Variants in F10 observed in about 807,000 individuals in gnomAD.
F10 encodes coagulation factor X.
A neutral mutation model predicts 37.1 loss-of-function variants in F10; 29 were observed. The observed-to-expected ratio is 0.78, with a 90% confidence interval of 0.58 to 1.07. The LOEUF is 1.07. F10 is among the 50% of genes least tolerant of loss of function. The pLI is 0.00. For synonymous variants in F10, 262 were observed against 268.6 expected (o/e 0.98, Z 0.24); for missense variants, 539 against 667.9 (o/e 0.81, Z 2.13).
rs3211736 is a variant in F10, at chr13:113,129,676, C to T, written c.231+64C>T. On this transcript the variant is annotated intron_variant, in intron 2 of 7. Coordinates refer to ENST00000375559, the MANE Select transcript of F10 (RefSeq NM_000504.4). ...CAGGCCACAGCGCCCTCGCTGGCCC[C>T]GCTGCTCCGTCCATCCAGGGGGGCG... The T allele has an allele frequency of 0.33, 525,678 of 1,603,520 alleles. 88,295 individuals carry two copies. The highest frequency in any genetic ancestry group is 0.37 in the East Asian group (16,503 of 44,730).
Position 113,149,373 on chromosome 13 carries a change from G to A in F10, c.1323G>A (p.Glu441=), listed in dbSNP as rs1362783085. The change falls in exon 8 of 8, where the codon GAG becomes GAA. Residue 441 remains glutamate, a synonymous_variant. Transcript: ENST00000375559. This position sits in a 1 kb window ranked among gnomAD's most constrained non-coding sequence, Gnocchi z 7.5. The part of the protein sequence containing the change: ...YFVTGIVSWG[E]GCARKGKYGI... ...TGACAGGCATCGTCAGCTGGGGAGA[G>A]GGCTGTGCCCGTAAGGGGAAGTACG... The A allele has an allele frequency of 1.2e-6, 2 of 1,610,832 alleles. No homozygotes were observed. The highest frequency in any genetic ancestry group is 4.5e-5 in the East Asian group (2 of 44,784).
At chr13:113,123,167 CAG>C (rs2036336255) in intron 1 of F10, among the ~76,000 whole-genome samples, 1 of 151,944 alleles carries the variant, frequency 6.6e-6, no homozygotes, top group South Asian at 2.1e-4. Flanking sequence ...AACACAAGGA[CAG>C]AGTCAGAGAG....
rs2036586246 is a variant in F10 at position 113,146,779 on chromosome 13, G to T, written c.748-600G>T. ...CCCAGAGAAAAGAAAACCAAAATAT[G>T]CCCGGGCTCCAAACTTGCAAGTCCA... On this transcript the variant is annotated intron_variant, in intron 6 of 7. Transcript: ENST00000375559. The surrounding 1 kb of genome is among the most constrained non-coding windows in gnomAD (Gnocchi z 4.5). Among the ~76,000 whole-genome samples the T allele has an allele frequency of 6.6e-6, 1 of 152,114 alleles. No homozygotes were observed.
chr13:113,128,312 A>C (rs946164138), intron 1 of F10: 7 of 152,250 alleles, frequency 4.6e-5, no homozygotes, highest in Non-Finnish European at 8.8e-5. Flanking sequence ...ATCAATAAGC[A>C]TAAGTTGTAC....
intron 4 of F10, among the ~76,000 whole-genome samples, chr13:113,140,329 C>T (rs1161858973): frequency 6.6e-6 from 1 of 152,098 alleles, no homozygotes; most frequent in African/African-American, 2.4e-5. Context: ...GATCCGCCCG[C>T]TTCGACCTCC....
chr13:113,145,526 T>C (rs571608030), intron 6 of F10, among the ~76,000 whole-genome samples: 1 of 152,280 alleles, frequency 6.6e-6, no homozygotes, highest in South Asian at 2.1e-4. Context: ...AGCATACATA[T>C]GCGAAAAATT....
rs889819912 is a variant in F10, at chr13:113,146,119, G to C, written c.748-1260G>C. On this transcript the variant is annotated intron_variant, in intron 6 of 7. Coordinates refer to ENST00000375559, the MANE Select transcript of F10 (RefSeq NM_000504.4). This position sits in a 1 kb window ranked among gnomAD's most constrained non-coding sequence, Gnocchi z 4.5. ...TCTGTCTAACTATAAAGAGCCAAGC[G>C]AGAGAGGGATGCACTGAGGTGGCTC... Among the ~76,000 whole-genome samples, 1 of 152,216 alleles carries C rather than the reference G, an allele frequency of 6.6e-6. No homozygotes were observed. The highest frequency in any genetic ancestry group is 1.5e-5 in the Non-Finnish European group (1 of 68,038).
chr13:113,149,313 C>T lies in F10; in HGVS notation c.1263C>T (p.Gly421=), dbSNP rs548078463. 8 of 1,613,242 alleles carry T rather than the reference C, an allele frequency of 5.0e-6. No individual in the cohort carries two copies. In the African/African-American group the frequency reaches 6.7e-5, roughly 13 times the overall value. The change falls in exon 8 of 8, where the codon GGC becomes GGT. Residue 421 remains glycine (G), a synonymous_variant. Coordinates refer to ENST00000375559, the MANE Select transcript of F10 (RefSeq NM_000504.4). This position sits in a 1 kb window ranked among gnomAD's most constrained non-coding sequence, Gnocchi z 7.5. ...QEDACQGDSG[G]PHVTRFKDTY... ...ATGCCTGCCAGGGGGACAGCGGGGGCCCGCACGTCACCCGCTTCAAGGACA... is the reference window on the plus strand; with the variant it reads ...ATGCCTGCCAGGGGGACAGCGGGGGTCCGCACGTCACCCGCTTCAAGGACA...
Position 113,147,391 on chromosome 13 carries a change from A to C in F10, c.760A>C (p.Asn254His). Residue 254 changes from asparagine to histidine, a missense_variant, in exon 7 of 8, where the codon AAT becomes CAT. By Grantham distance (68) the Asn-to-His change is moderately conservative. Transcript: ENST00000375559. ...GECPWQALLI[N>H]EENEGFCGGT... The stretch of plus-strand genomic sequence containing the variant: ...ACGTCTGTCACAGGCCCTGCTCATC[A>C]ATGAGGAAAACGAGGGTTTCTGTGG... 6.2e-7 allele frequency: 1 copy of C among 1,612,448 alleles called. No individual in the cohort carries two copies. Among genetic ancestry groups the C allele is most frequent in the Non-Finnish European group, 8.5e-7 (1 of 1,178,490 alleles).
intron 7 of F10, among the ~76,000 whole-genome samples, chr13:113,147,882 CTATTTT>C (rs1185356449): frequency 1.3e-5 from 2 of 152,164 alleles, no homozygotes; most frequent in Non-Finnish European, 2.9e-5. Flanking sequence ...TCTGTCTCTT[CTATTTT>C]TATTTGTGGG....
chr13:113,137,702 C>T (rs1034379648), intron 2 of F10, among the ~76,000 whole-genome samples: 1 of 152,142 alleles, frequency 6.6e-6, no homozygotes, highest in African/African-American at 2.4e-5. Context: ...GAGCACCCGG[C>T]AATCATGGGC....
intron 3 of F10, among the ~76,000 whole-genome samples, chr13:113,138,957 G>A (rs2036503061): frequency 6.6e-6 from 1 of 152,232 alleles, no homozygotes; most frequent in Non-Finnish European, 1.5e-5. Context: ...GAAGCCCCGT[G>A]TTAGTGTTTG....
Position 113,144,031 on chromosome 13 carries a change from G to A in F10, c.683G>A (p.Gly228Asp). The change falls in exon 6 of 8, where the codon GGC becomes GAC. Residue 228 changes from glycine to aspartate, a missense_variant. Transcript: ENST00000375559. The surrounding 1 kb of genome is among the most constrained non-coding windows in gnomAD (Gnocchi z 6.4). ...TTCAACCAGACGCAGCCTGAGAGGG[G>A]CGACAACAACCTCACCAGGATCGTG... ...LDFNQTQPER[G>D]DNNLTRIVGG... 3 of 1,613,822 alleles carry A rather than the reference G, an allele frequency of 1.9e-6. No homozygotes were observed. Among genetic ancestry groups the A allele is most frequent in the Non-Finnish European group, 2.5e-6 (3 of 1,180,006 alleles).
chr13:113,138,375 G>T, intron 2 of F10, 82 bp from the exon 3 acceptor site: 1 of 720,856 alleles, frequency 1.4e-6, no homozygotes, highest in South Asian at 1.6e-5. Context: ...TATTCAGCTT[G>T]AGTCACTTAA....
chr13:113,147,342 C>A, intron 6 of F10, 37 bp from the exon 7 acceptor site: 2 of 1,454,856 alleles, frequency 1.4e-6, no homozygotes, highest in Middle Eastern at 2.0e-4. Context: ...ACCTGTCCAC[C>A]TGGCCAGCCA....
chr13:113,138,673 G>A (rs2036500698), intron 3 of F10, among the ~76,000 whole-genome samples, 192 bp downstream of exon 3: 1 of 152,136 alleles, frequency 6.6e-6, no homozygotes, highest in Admixed American at 6.5e-5. Context: ...TCCTAGTTTT[G>A]TTATTGAGTT....
At position 113,144,158 on chromosome 13, in the gene F10, G is replaced by T; in HGVS notation, c.747+63G>T. Reference sequence around the variant, plus strand: ...CCACCTGTCCCGCTGTGCACCTCGGGGAGGCCAGCCTGACACTTGGAATAG... The same window carrying T: ...CCACCTGTCCCGCTGTGCACCTCGGTGAGGCCAGCCTGACACTTGGAATAG... On this transcript the variant is annotated intron_variant, in intron 6 of 7. Transcript: ENST00000375559. The surrounding 1 kb of genome is among the most constrained non-coding windows in gnomAD (Gnocchi z 6.4). The T allele has an allele frequency of 6.2e-7, 1 of 1,608,718 alleles. No homozygotes were observed.
In F10 at chr13:113,143,735, G is replaced by C. The variant is rs1439593002; in HGVS notation, c.503-116G>C. Reference sequence around the variant, plus strand: ...CGCCCTGCAAGCCCGCTGCCCCTCCGGGTGCCCCTGCGCTCTGCCTCCCGG... The same window carrying C: ...CGCCCTGCAAGCCCGCTGCCCCTCCCGGTGCCCCTGCGCTCTGCCTCCCGG... On this transcript the variant is annotated intron_variant, in intron 5 of 7. Transcript: ENST00000375559. This position sits in a 1 kb window ranked among gnomAD's most constrained non-coding sequence, Gnocchi z 6.8. The C allele has an allele frequency of 6.8e-7, 1 of 1,468,242 alleles. No individual in the cohort carries two copies. The highest frequency in any genetic ancestry group is 2.0e-5 in the Admixed American group (1 of 50,974). 91.0% of individuals were successfully genotyped at this position (1,468,242 alleles called of 1,614,324 possible).
chr13:113,142,556 C>CAAAA, intron 5 of F10, among the ~76,000 whole-genome samples: 1 of 61,372 alleles, frequency 1.6e-5, no homozygotes, highest in African/African-American at 5.7e-5. Context: ...GACTCTGTCT[C>CAAAA]AAAAAAAAAA....
Sources: gnomAD v4.1 joint callset for allele counts (sites outside exome capture counted in the v4.1 genomes callset) on GRCh38, gnomAD v4.1.1 for gene constraint, Gnocchi (gnomAD v3.1) non-coding constraint, MANE v1.5 for transcripts, NCBI Gene and HGNC (gene_info 2026-07-23, HGNC 2026-07-21) for gene names.